SEMA3E: variants seen among roughly 807,000 people sequenced by gnomAD.
The protein encoded by SEMA3E is semaphorin 3E, also known as semaphorin-3E.
SEMA3E carries 49 observed loss-of-function variants against 93.6 expected under a neutral mutation model. That is an observed-to-expected ratio of 0.52 (90% CI 0.42 to 0.66). SEMA3E has a LOEUF of 0.66. Ranked by LOEUF, SEMA3E falls within the 30% of genes least tolerant of loss-of-function variation. SEMA3E has a pLI of 0.00. For synonymous variants in SEMA3E, 363 were observed against 330.7 expected (o/e 1.10, Z -1.06); for missense variants, 906 against 964.8 (o/e 0.94, Z 0.81).
intron 16 of SEMA3E, among the ~76,000 whole-genome samples, chr7:83,378,080 A>G (rs964038380): frequency 3.9e-5 from 6 of 151,980 alleles, no homozygotes; most frequent in African/African-American, 1.4e-4. Context: ...ATTACAGAAA[A>G]AAATGATTTA....
intron 1 of SEMA3E, among the ~76,000 whole-genome samples, chr7:83,633,454 A>C (rs969690201): frequency 6.6e-6 from 1 of 152,230 alleles, no homozygotes; most frequent in African/African-American, 2.4e-5. Flanking sequence ...ATTGGAAAAA[A>C]ATTAGCAATG....
At chr7:83,439,981 A>C (rs538637998) in intron 4 of SEMA3E, among the ~76,000 whole-genome samples, 58 of 152,196 alleles carry the variant, frequency 3.8e-4, no homozygotes, top group Non-Finnish European at 6.6e-4. Flanking sequence ...CAGCTTTTCA[A>C]TTCAATGTGC....
chr7:83,405,321 T>C, intron 9 of SEMA3E, 129 bp downstream of exon 9: 4 of 694,150 alleles, frequency 5.8e-6, no homozygotes, highest in Non-Finnish European at 1.0e-5. Context: ...CAATTGGTGA[T>C]TATAAAGTGT....
At chr7:83,640,486 C>G (rs1245194049) in intron 1 of SEMA3E, among the ~76,000 whole-genome samples, 1 of 152,136 alleles carries the variant, frequency 6.6e-6, no homozygotes, top group Non-Finnish European at 1.5e-5. Flanking sequence ...GCATCAGCTT[C>G]CCAGCGGAAA....
At chr7:83,375,318 G>A (rs1370343973) in intron 16 of SEMA3E, among the ~76,000 whole-genome samples, 2 of 151,928 alleles carry the variant, frequency 1.3e-5, no homozygotes, top group African/African-American at 4.8e-5. Context: ...ATCTTTCCTG[G>A]CACTGAGACT....
intron 2 of SEMA3E, among the ~76,000 whole-genome samples, chr7:83,476,157 G>A (rs1320065038): frequency 6.6e-6 from 1 of 152,098 alleles, no homozygotes; most frequent in Non-Finnish European, 1.5e-5. Context: ...GCTTTTCAAC[G>A]TCCATTGATT....
chr7:83,437,723 T>C (rs1009271110), intron 4 of SEMA3E, among the ~76,000 whole-genome samples: 2 of 152,168 alleles, frequency 1.3e-5, no homozygotes, highest in Non-Finnish European at 2.9e-5. Context: ...CCAAATAACA[T>C]TTCCCATTAA....
chr7:83,636,340 C>G (rs1261322861), intron 1 of SEMA3E, among the ~76,000 whole-genome samples: 6 of 152,106 alleles, frequency 3.9e-5, no homozygotes, highest in Non-Finnish European at 8.8e-5. Context: ...ATTCTCAATG[C>G]TCTCCCAACA....
chr7:83,452,633 T>C (rs1430358707), intron 4 of SEMA3E, among the ~76,000 whole-genome samples: 2 of 152,200 alleles, frequency 1.3e-5, no homozygotes, highest in African/African-American at 4.8e-5. Context: ...CTAATAGCTT[T>C]CTTATAATCA....
intron 1 of SEMA3E, among the ~76,000 whole-genome samples, chr7:83,547,725 C>T (rs1791680552): frequency 6.6e-6 from 1 of 152,066 alleles, no homozygotes; most frequent in South Asian, 2.1e-4. Context: ...TGTTGGTTAG[C>T]AGGTTTGTCT....
At chr7:83,492,532 T>C (rs2115565619) in intron 1 of SEMA3E, among the ~76,000 whole-genome samples, 1 of 152,128 alleles carries the variant, frequency 6.6e-6, no homozygotes, top group East Asian at 1.9e-4. Context: ...TTTATTCTGG[T>C]GTATCACCTT....
At chr7:83,648,383 C>CTTT (rs372307036) in intron 1 of SEMA3E, 45 bp downstream of exon 1, 51 of 1,159,564 alleles carry the variant, frequency 4.4e-5, no homozygotes, top group Non-Finnish European at 5.4e-5. Context: ...TTTTCTTTTT[C>CTTT]TTTTTTTTTT....
At chr7:83,622,037 C>A (rs559996424) in intron 1 of SEMA3E, among the ~76,000 whole-genome samples, 1 of 152,164 alleles carries the variant, frequency 6.6e-6, no homozygotes, top group African/African-American at 2.4e-5. Flanking sequence ...AAGAAGCTAT[C>A]ATCAGAGTGA....
chr7:83,500,280 A>G (rs1730231444), intron 1 of SEMA3E, among the ~76,000 whole-genome samples: 1 of 152,094 alleles, frequency 6.6e-6, no homozygotes, highest in Admixed American at 6.6e-5. Context: ...TACTAAAAAT[A>G]CAAAAATTAG....
intron 1 of SEMA3E, among the ~76,000 whole-genome samples, chr7:83,641,012 T>C (rs1793999043): frequency 1.3e-5 from 2 of 152,162 alleles, no homozygotes; most frequent in South Asian, 4.1e-4. Flanking sequence ...GGAGAGAATG[T>C]AGATGAAAGA....
rs1284776337 is a variant in SEMA3E at position 83,400,350 on chromosome 7, T to G, written c.1144-100A>C. The G allele has an allele frequency of 4.6e-6, 5 of 1,085,032 alleles. No homozygotes were observed. In the Middle Eastern group the frequency reaches 6.0e-4, roughly 131 times the overall value. The allele number at this position is 1,085,032 out of a possible 1,614,324, so 67.2% of individuals were successfully genotyped here. ...AATCAGAAAAATTGAAGTTGTCAAA[T>G]TAGTCAATTGTGCATTTAGAAATAT... On this transcript the variant is annotated intron_variant, in intron 10 of 16. Transcript: ENST00000643230.
chr7:83,502,451 G>A (rs1047344983), intron 1 of SEMA3E, among the ~76,000 whole-genome samples: 1 of 152,028 alleles, frequency 6.6e-6, no homozygotes, highest in Non-Finnish European at 1.5e-5. Flanking sequence ...GAGCTCTAGG[G>A]CTTGGGCTTT....
intron 4 of SEMA3E, among the ~76,000 whole-genome samples, chr7:83,455,698 C>A (rs1229034577): frequency 3.9e-5 from 6 of 152,194 alleles, no homozygotes; most frequent in Non-Finnish European, 7.3e-5. Context: ...CTGTATGATT[C>A]CCTCTTAGTA....
intron 4 of SEMA3E, among the ~76,000 whole-genome samples, chr7:83,459,259 T>C (rs2115850320): frequency 6.6e-6 from 1 of 152,052 alleles, no homozygotes; most frequent in East Asian, 1.9e-4. Context: ...TAGAAAGAGA[T>C]TAGAAGACAA....
Sources: gnomAD v4.1 joint callset for allele counts (sites outside exome capture counted in the v4.1 genomes callset) on GRCh38, gnomAD v4.1.1 for gene constraint, MANE v1.5 for transcripts, NCBI Gene and HGNC (gene_info 2026-07-23, HGNC 2026-07-21) for gene names.